Variants in HS3ST5 observed in about 807,000 individuals in gnomAD.
The protein encoded by HS3ST5 is heparan sulfate-glucosamine 3-sulfotransferase 5.
HS3ST5 carries 10 observed loss-of-function variants against 25.4 expected under a neutral mutation model. That is an observed-to-expected ratio of 0.39 (90% CI 0.24 to 0.67). HS3ST5 has a LOEUF of 0.67. Ranked by LOEUF, HS3ST5 falls within the 30% of genes least tolerant of loss-of-function variation. The probability of loss-of-function intolerance (pLI) is 0.44; values close to 1 mark genes in which losing one functional copy is unlikely to be tolerated. For synonymous variants in HS3ST5, 170 were observed against 162.4 expected (o/e 1.05, Z -0.36); for missense variants, 324 against 420.7 (o/e 0.77, Z 2.01).
intron 2 of HS3ST5, among the ~76,000 whole-genome samples, chr6:114,204,719 C>A (rs1781193875): frequency 6.6e-6 from 1 of 151,922 alleles, no homozygotes. Flanking sequence ...GTTGTCTTGT[C>A]CACTTTGATA....
intron 3 of HS3ST5, among the ~76,000 whole-genome samples, chr6:114,151,035 G>A (rs1778426585): frequency 1.3e-5 from 2 of 152,044 alleles, no homozygotes; most frequent in African/African-American, 4.8e-5. Context: ...GCTTGCCCCT[G>A]TACATTTTAA....
chr6:114,209,236 A>G (rs752243690), intron 2 of HS3ST5, among the ~76,000 whole-genome samples: 7 of 152,180 alleles, frequency 4.6e-5, no homozygotes, highest in Non-Finnish European at 1.0e-4. Flanking sequence ...AAGTTTCATT[A>G]AGTATATGCT....
intron 1 of HS3ST5, among the ~76,000 whole-genome samples, chr6:114,277,202 A>T (rs1391575255): frequency 6.0e-5 from 9 of 149,888 alleles, no homozygotes; most frequent in Non-Finnish European, 1.3e-4. Flanking sequence ...AGGATGATAC[A>T]TTATTAAAGC....
intron 2 of HS3ST5, among the ~76,000 whole-genome samples, chr6:114,191,785 A>T (rs1412687108): frequency 6.6e-6 from 1 of 152,068 alleles, no homozygotes; most frequent in Admixed American, 6.6e-5. Context: ...TCCACTCTAG[A>T]TTCTATTGAC....
intron 1 of HS3ST5, among the ~76,000 whole-genome samples, chr6:114,271,938 A>G (rs1040416738): frequency 2.6e-5 from 4 of 152,104 alleles, no homozygotes; most frequent in African/African-American, 9.7e-5. Flanking sequence ...CTGGCATGCT[A>G]TAAATATGTT....
At chr6:114,242,714 G>A (rs943337299) in intron 1 of HS3ST5, among the ~76,000 whole-genome samples, 5 of 151,986 alleles carry the variant, frequency 3.3e-5, no homozygotes, top group South Asian at 4.1e-4. Flanking sequence ...TTAGCCGGGC[G>A]CGGTGGCGGG....
At chr6:114,284,362 T>C (rs1010452713) in intron 1 of HS3ST5, among the ~76,000 whole-genome samples, 2 of 152,028 alleles carry the variant, frequency 1.3e-5, no homozygotes, top group African/African-American at 4.8e-5. Flanking sequence ...AGTCATCTAT[T>C]TTTTTAAACT....
chr6:114,282,039 A>G (rs1774135960), intron 1 of HS3ST5: 1 of 152,034 alleles, frequency 6.6e-6, no homozygotes, highest in Non-Finnish European at 1.5e-5. Context: ...TGGAAAAGAA[A>G]GTATATACTG....
chr6:114,092,763 C>T (rs758668633), intron 3 of HS3ST5, among the ~76,000 whole-genome samples: 39 of 150,962 alleles, frequency 2.6e-4, no homozygotes, highest in African/African-American at 3.6e-4. Flanking sequence ...GCAACCTCTG[C>T]CTCCTGGGGT....
chr6:114,320,815 T>A (rs921225755), intron 1 of HS3ST5, among the ~76,000 whole-genome samples: 1 of 151,608 alleles, frequency 6.6e-6, no homozygotes, highest in Non-Finnish European at 1.5e-5. Context: ...AAATATTAGC[T>A]CCATAAGGAC....
intron 1 of HS3ST5, among the ~76,000 whole-genome samples, chr6:114,327,306 A>G (rs1776211870): frequency 6.6e-6 from 1 of 152,134 alleles, no homozygotes; most frequent in South Asian, 2.1e-4. Flanking sequence ...GGCTTTCACT[A>G]TGCATCTTCC....
At chr6:114,257,925 A>G (rs185722374) in intron 1 of HS3ST5, among the ~76,000 whole-genome samples, 1 of 151,966 alleles carries the variant, frequency 6.6e-6, no homozygotes, top group Non-Finnish European at 1.5e-5. Context: ...ATAGATAGAT[A>G]GATTGATTGA....
intron 2 of HS3ST5, among the ~76,000 whole-genome samples, chr6:114,205,068 T>C (rs1054211746): frequency 1.3e-5 from 2 of 151,484 alleles, no homozygotes; most frequent in African/African-American, 4.8e-5. Flanking sequence ...CAACACCCAA[T>C]TCTACAGTTT....
rs560436121 is a variant in HS3ST5, at chr6:114,161,522, T to C, written c.-33+6829A>G. On this transcript the variant is annotated intron_variant, in intron 3 of 4. Coordinates refer to ENST00000312719, the MANE Select transcript of HS3ST5 (RefSeq NM_153612.4). ...AAACGACAGTTGCTTCCTGAAGTTTTATATATATATATATATATATATATA... is the reference window on the plus strand; with the variant it reads ...AAACGACAGTTGCTTCCTGAAGTTTCATATATATATATATATATATATATA... 3.8e-3 allele frequency among the ~76,000 whole-genome samples: 18 copies of C among 4,680 alleles called. No homozygotes were observed. The South Asian group carries it at 0.061, about 16-fold the overall frequency. The allele number at this position is 4,680 out of a possible 152,430, so 3.1% of individuals were successfully genotyped here.
intron 3 of HS3ST5, among the ~76,000 whole-genome samples, chr6:114,150,611 G>A (rs1313015283): frequency 6.6e-6 from 1 of 152,126 alleles, no homozygotes; most frequent in Non-Finnish European, 1.5e-5. Flanking sequence ...TGAAGAATAT[G>A]GGGTTTCACA....
At chr6:114,327,215 T>C (rs1157312324) in intron 1 of HS3ST5, among the ~76,000 whole-genome samples, 1 of 152,172 alleles carries the variant, frequency 6.6e-6, no homozygotes, top group Non-Finnish European at 1.5e-5. Context: ...GTGGTCATAA[T>C]GTACTTGTAG....
intron 1 of HS3ST5, among the ~76,000 whole-genome samples, chr6:114,292,173 A>T (rs540497425): frequency 6.6e-6 from 1 of 152,310 alleles, no homozygotes; most frequent in East Asian, 1.9e-4. Flanking sequence ...TGTAGACAAT[A>T]GTATTTTTGT....
chr6:114,174,539 T>C (rs1465083594), intron 2 of HS3ST5, among the ~76,000 whole-genome samples: 5 of 152,198 alleles, frequency 3.3e-5, no homozygotes, highest in Non-Finnish European at 7.3e-5. Flanking sequence ...TTCTTTTTTC[T>C]TTTTGGCAAT....
At chr6:114,251,468 A>T (rs921622725) in intron 1 of HS3ST5, 3 of 152,090 alleles carry the variant, frequency 2.0e-5, no homozygotes, top group Non-Finnish European at 2.9e-5. Context: ...ATTATATTTT[A>T]TTTTTTTGTT....
Sources: gnomAD v4.1 joint callset for allele counts (sites outside exome capture counted in the v4.1 genomes callset) on GRCh38, gnomAD v4.1.1 for gene constraint, MANE v1.5 for transcripts, NCBI Gene and HGNC (gene_info 2026-07-23, HGNC 2026-07-21) for gene names.